The following FARP1 variants were observed in gnomAD, a reference collection of about 807,000 sequenced individuals.
The protein encoded by FARP1 is FERM, ARHGEF and pleckstrin domain-containing protein 1.
In FARP1, 52 loss-of-function variants were observed where a neutral mutation model predicts 128.8. That is an observed-to-expected ratio of 0.40 (90% confidence interval 0.32 to 0.51). FARP1 has a LOEUF of 0.51. Among genes scored for constraint, FARP1 ranks in the 20% least tolerant of loss-of-function variants. The probability of loss-of-function intolerance (pLI) is 0.45; values close to 1 mark genes in which losing one functional copy is unlikely to be tolerated. For synonymous variants in FARP1, 580 were observed against 551.8 expected, an observed-to-expected ratio of 1.05 and a Z score of -0.72; for missense variants, 1,333 against 1,367.9, an observed-to-expected ratio of 0.97 and a Z score of 0.40.
At chr13:98,244,897 A>AG (rs1882978538) in intron 2 of FARP1, 2 of 1,419,740 alleles carry the variant, frequency 1.4e-6, no homozygotes, top group South Asian at 3.1e-5. Context: ...TCCACTCCTA[A>AG]ACGGGTCTCC....
chr13:98,440,897 A>T, intron 24 of FARP1, 61 bp downstream of exon 24: 1 of 1,502,054 alleles, frequency 6.7e-7, no homozygotes, highest in Non-Finnish European at 9.0e-7. Context: ...GAACCCAGGC[A>T]AACTTCTGGG....
chr13:98,177,371 G>A, intron 1 of FARP1: 1 of 655,532 alleles, frequency 1.5e-6, no homozygotes, highest in Non-Finnish European at 2.5e-6. Context: ...GCTAGGCCAG[G>A]CGCGGTGACT....
intron 3 of FARP1, among the ~76,000 whole-genome samples, chr13:98,362,479 CTG>C (rs1004820033): frequency 2.6e-5 from 4 of 152,228 alleles, no homozygotes; most frequent in African/African-American, 9.6e-5. Flanking sequence ...TTTGCGGACA[CTG>C]TCATCCCATG....
chr13:98,394,736 C>T (rs1199882540), intron 12 of FARP1, among the ~76,000 whole-genome samples: 3 of 152,004 alleles, frequency 2.0e-5, no homozygotes, highest in South Asian at 2.1e-4. Flanking sequence ...GGAGTTCAAG[C>T]GCAGCCTGGA....
At chr13:98,261,463 T>C (rs963559283) in intron 2 of FARP1, among the ~76,000 whole-genome samples, 6 of 151,648 alleles carry the variant, frequency 4.0e-5, no homozygotes, top group African/African-American at 1.5e-4. Flanking sequence ...GTTGACCAGA[T>C]CACATTCCTC....
intron 1 of FARP1, among the ~76,000 whole-genome samples, chr13:98,188,791 C>A (rs1879046993): frequency 6.6e-6 from 1 of 152,290 alleles, no homozygotes; most frequent in Non-Finnish European, 1.5e-5. Context: ...GCGAAGTCCT[C>A]CTTCAGAAGT....
At chr13:98,271,246 A>G (rs1018701450) in intron 2 of FARP1, among the ~76,000 whole-genome samples, 3 of 152,194 alleles carry the variant, frequency 2.0e-5, no homozygotes, top group African/African-American at 4.8e-5. Context: ...AATGAAATCT[A>G]GAGTTTGGAA....
chr13:98,386,187 CTTTTTTT>C (rs138218092), intron 8 of FARP1, among the ~76,000 whole-genome samples: 1 of 93,032 alleles, frequency 1.1e-5, no homozygotes, highest in East Asian at 3.1e-4. Flanking sequence ...TAATGTGATC[CTTTTTTT>C]TTTTTTTTTT....
intron 2 of FARP1, chr13:98,244,643 C>G (rs1882962591): frequency 6.2e-7 from 1 of 1,614,228 alleles, no homozygotes; most frequent in Non-Finnish European, 8.5e-7. Flanking sequence ...CTATTTCTTA[C>G]ACAAACTGGG....
At chr13:98,314,421 A>G (rs866297265) in intron 2 of FARP1, among the ~76,000 whole-genome samples, 28 of 151,646 alleles carry the variant, frequency 1.8e-4, no homozygotes, top group Admixed American at 3.3e-4. Flanking sequence ...CTGGGACTAC[A>G]GGCGTGTGCC....
intron 11 of FARP1, among the ~76,000 whole-genome samples, 194 bp from the exon 12 acceptor site, chr13:98,393,449 T>C (rs1393128424): frequency 1.3e-5 from 2 of 152,348 alleles, no homozygotes; most frequent in East Asian, 3.9e-4. Flanking sequence ...TAAGTAACCC[T>C]TGAACCATGC....
Position 98,395,238 on chromosome 13 carries a change from C to A in FARP1, c.1176C>A (p.Ser392Arg). 6.3e-7 allele frequency: 1 copy of A among 1,599,056 alleles called. No individual in the cohort carries two copies. The highest frequency in any genetic ancestry group is 1.3e-5 in the African/African-American group (1 of 74,788). Residue 392 changes from serine (S) to arginine (R), a missense_variant, in exon 13 of 27, where the codon AGC becomes AGA. Transcript: ENST00000319562. ...CCCACCCCACCCAGTCTCAGCAGAG[C>A]ACCAGCCTTACATTTGGAGAAGGTG... is the stretch of plus-strand genomic sequence containing the variant. The part of the protein sequence containing the change: ...NSEVLEQSQQ[S>R]TSLTFGEGAE...
chr13:98,168,804 TGAGCTGAGAGG>T (rs893471432), intron 1 of FARP1, among the ~76,000 whole-genome samples: 8 of 152,228 alleles, frequency 5.3e-5, no homozygotes, highest in African/African-American at 1.7e-4. Context: ...AACAGGATCT[TGAGCTGAGAGG>T]CTGTTTAAGA....
intron 1 of FARP1, among the ~76,000 whole-genome samples, chr13:98,148,774 TGC>T (rs1216109752): frequency 2.0e-5 from 3 of 152,234 alleles, no homozygotes; most frequent in Non-Finnish European, 4.4e-5. Context: ...CTGGTCCCAT[TGC>T]TGTTGCTGTC....
chr13:98,247,578 C>T (rs192774684), intron 2 of FARP1, among the ~76,000 whole-genome samples: 57 of 152,210 alleles, frequency 3.7e-4, no homozygotes, highest in African/African-American at 1.2e-3. Context: ...GGAGGGAAGA[C>T]GGAGAAGGAT....
intron 1 of FARP1, among the ~76,000 whole-genome samples, chr13:98,208,877 T>A (rs1366349428): frequency 6.6e-6 from 1 of 152,186 alleles, no homozygotes; most frequent in African/African-American, 2.4e-5. Flanking sequence ...AGGAATTCAT[T>A]AGGAAACTTC....
chr13:98,424,806 C>T (rs572718950), intron 17 of FARP1, among the ~76,000 whole-genome samples, 156 bp downstream of exon 17: 36 of 152,326 alleles, frequency 2.4e-4, no homozygotes, highest in Admixed American at 1.2e-3. Flanking sequence ...CAGCAGCTTA[C>T]AGCCCAGGAC....
At chr13:98,343,960 A>G in intron 3 of FARP1, 94 bp downstream of exon 3, 1 of 815,728 alleles carries the variant, frequency 1.2e-6, no homozygotes, top group Non-Finnish European at 2.1e-6. Context: ...TGAGTGAGAT[A>G]TTTTCATGCT....
chr13:98,410,248 C>T (rs1208873549), intron 14 of FARP1, among the ~76,000 whole-genome samples: 1 of 152,238 alleles, frequency 6.6e-6, no homozygotes, highest in Admixed American at 6.5e-5. Context: ...TGACTGACAG[C>T]CGCCAAGGGA....
Sources: gnomAD v4.1 joint callset for allele counts (sites outside exome capture counted in the v4.1 genomes callset) on GRCh38, gnomAD v4.1.1 for gene constraint, MANE v1.5 for transcripts, NCBI Gene and HGNC (gene_info 2026-07-23, HGNC 2026-07-21) for gene names.